KBTBD3: variants seen among roughly 807,000 people sequenced by gnomAD.
The protein encoded by KBTBD3 is kelch repeat and BTB domain containing 3, also known as kelch repeat and BTB domain-containing protein 3.
A neutral mutation model predicts 49.6 loss-of-function variants in KBTBD3; 38 were observed. The observed-to-expected ratio is 0.77, with a 90% CI of 0.59 to 1.00. The LOEUF is 1.00. KBTBD3 is among the 50% of genes least tolerant of loss of function. The probability of loss-of-function intolerance (pLI) is 0.00; values close to 1 mark genes in which losing one functional copy is unlikely to be tolerated. For missense variants in KBTBD3, 661 were observed against 712.0 expected (o/e 0.93, Z 0.81); for synonymous variants, 214 against 250.4 (o/e 0.85, Z 1.37).
chr11:106,073,929 G>A (rs933500249), intron 2 of KBTBD3, among the ~76,000 whole-genome samples: 2 of 152,248 alleles, frequency 1.3e-5, no homozygotes, highest in East Asian at 1.9e-4. Context: ...TAGCTAATAT[G>A]TCAAGAATGA....
At chr11:106,061,860 C>T (rs1020884999) in intron 2 of KBTBD3, among the ~76,000 whole-genome samples, 3 of 151,548 alleles carry the variant, frequency 2.0e-5, no homozygotes, top group African/African-American at 4.9e-5. Context: ...AATACATATA[C>T]ATATATGTGT....
intron 2 of KBTBD3, among the ~76,000 whole-genome samples, chr11:106,073,398 T>TG (rs1318474257): frequency 6.6e-6 from 1 of 151,580 alleles, no homozygotes; most frequent in African/African-American, 2.4e-5. Flanking sequence ...CCACCATGCC[T>TG]GGTCCCATGC....
At chr11:106,069,148 C>A (rs569520452) in intron 2 of KBTBD3, among the ~76,000 whole-genome samples, 117 of 152,186 alleles carry the variant, frequency 7.7e-4, no homozygotes, top group African/African-American at 2.4e-3. Flanking sequence ...AGGAAAACAG[C>A]AAGGATGTCC....
At chr11:106,074,162 C>T (rs1033480935) in intron 2 of KBTBD3, among the ~76,000 whole-genome samples, 3 of 151,544 alleles carry the variant, frequency 2.0e-5, no homozygotes, top group South Asian at 2.1e-4. Flanking sequence ...AGAGCTTCTC[C>T]CACCCTACTA....
intron 2 of KBTBD3, among the ~76,000 whole-genome samples, chr11:106,062,846 G>A (rs1860729678): frequency 6.6e-6 from 1 of 152,162 alleles, no homozygotes; most frequent in African/African-American, 2.4e-5. Context: ...ACCTAGGACA[G>A]AAAAAGAGTA....
intron 2 of KBTBD3, among the ~76,000 whole-genome samples, chr11:106,065,402 G>A (rs77188501): frequency 0.044 from 6,736 of 152,264 alleles, 181 homozygotes; most frequent in Non-Finnish European, 0.063. Flanking sequence ...AAATATAGTG[G>A]AAAATAGAAT....
At chr11:106,056,478 A>AT (rs1380302307) in intron 3 of KBTBD3, among the ~76,000 whole-genome samples, 1 of 152,222 alleles carries the variant, frequency 6.6e-6, no homozygotes. Flanking sequence ...ACATAAGAGT[A>AT]TTTTATTAGC....
rs1483200469 is a variant in KBTBD3 at position 106,052,348 on chromosome 11, A to G, written c.*502T>C. 2.0e-5 allele frequency: 3 copies of G among 152,654 alleles called. No individual in the cohort carries two copies. Among genetic ancestry groups the G allele is most frequent in the Non-Finnish European group, 4.4e-5 (3 of 68,428 alleles). The allele number at this position is 152,654 out of a possible 1,614,324, so 9.5% of individuals were successfully genotyped here. ...AAACTATGTTTAGTGTACTATTTATAAAGCTGGGAGAATTATTTCTGAACT... is the reference window on the plus strand; with the variant it reads ...AAACTATGTTTAGTGTACTATTTATGAAGCTGGGAGAATTATTTCTGAACT... On this transcript the variant is annotated 3_prime_UTR_variant, in exon 4 of 4. Transcript: ENST00000531837.
At chr11:106,069,080 T>C (rs1039511152) in intron 2 of KBTBD3, among the ~76,000 whole-genome samples, 1 of 152,036 alleles carries the variant, frequency 6.6e-6, no homozygotes, top group Non-Finnish European at 1.5e-5. Flanking sequence ...GAGAAAAATC[T>C]ACAAAAAACC....
intron 3 of KBTBD3, among the ~76,000 whole-genome samples, chr11:106,055,739 G>T (rs1565401518): frequency 6.6e-6 from 1 of 152,114 alleles, no homozygotes; most frequent in African/African-American, 2.4e-5. Context: ...GAAAATGCAG[G>T]TACTGGTAGT....
chr11:106,059,175 C>T (rs1860629419), intron 2 of KBTBD3, 66 bp from the exon 3 acceptor site: 2 of 838,250 alleles, frequency 2.4e-6, no homozygotes, highest in South Asian at 1.8e-5. Flanking sequence ...CCAAAATTCG[C>T]CCTCTTGATG....
At chr11:106,071,082 T>G (rs2135022144) in intron 2 of KBTBD3, among the ~76,000 whole-genome samples, 1 of 152,248 alleles carries the variant, frequency 6.6e-6, no homozygotes, top group African/African-American at 2.4e-5. Flanking sequence ...GTGTAATTAT[T>G]TTAAGATATT....
At chr11:106,075,527 C>T (rs994875630) in intron 2 of KBTBD3, 29 of 152,274 alleles carry the variant, frequency 1.9e-4, no homozygotes, top group African/African-American at 6.7e-4. Context: ...TAAGGCAATA[C>T]TAGAATAACT....
intron 2 of KBTBD3, among the ~76,000 whole-genome samples, chr11:106,067,070 A>G (rs1225107546): frequency 6.6e-6 from 1 of 152,178 alleles, no homozygotes; most frequent in Non-Finnish European, 1.5e-5. Context: ...AACAGCCTCC[A>G]AACTGCCCTC....
chr11:106,059,161 G>T, intron 2 of KBTBD3, 52 bp from the exon 3 acceptor site: 1 of 1,062,810 alleles, frequency 9.4e-7, no homozygotes, highest in African/African-American at 1.7e-5. Context: ...GCAAGTTTCA[G>T]ACTCCAAAAT....
intron 2 of KBTBD3, among the ~76,000 whole-genome samples, chr11:106,062,509 C>T (rs1860722162): frequency 6.6e-6 from 1 of 152,102 alleles, no homozygotes; most frequent in Non-Finnish European, 1.5e-5. Flanking sequence ...AAGCATAAGA[C>T]CCAAGAGGAG....
intron 2 of KBTBD3, among the ~76,000 whole-genome samples, chr11:106,064,630 G>A (rs1230625003): frequency 6.6e-6 from 1 of 152,170 alleles, no homozygotes. Context: ...CAGACAATAT[G>A]ATTGAAAACA....
intron 2 of KBTBD3, among the ~76,000 whole-genome samples, chr11:106,074,120 CCA>C (rs201458657): frequency 4.5e-5 from 4 of 89,824 alleles, no homozygotes; most frequent in African/African-American, 1.0e-4. Context: ...ACACCCCCCC[CCA>C]CACACATACC....
chr11:106,070,220 T>C (rs1232563395), intron 2 of KBTBD3, among the ~76,000 whole-genome samples: 1 of 151,920 alleles, frequency 6.6e-6, no homozygotes, highest in Non-Finnish European at 1.5e-5. Flanking sequence ...ATCAAAAGCA[T>C]AACACATAAA....
Sources: allele counts gnomAD v4.1 joint callset (sites outside exome capture counted in the v4.1 genomes callset), GRCh38; gene constraint gnomAD v4.1.1; transcripts MANE v1.5; gene names NCBI Gene and HGNC (gene_info 2026-07-23, HGNC 2026-07-21).